The following WWOX variants were observed in gnomAD, a reference collection of about 807,000 sequenced individuals.
WWOX encodes the protein WW domain containing oxidoreductase.
WWOX carries 69 observed loss-of-function variants against 46.2 expected under a neutral mutation model. That is an observed-to-expected ratio of 1.49 (90% CI 1.23 to 1.82). The LOEUF is 1.82. Ranked by LOEUF, WWOX falls within the 40% of genes most tolerant of loss-of-function variation. WWOX has a pLI of 0.00. For missense variants in WWOX, 919 were observed against 542.6 expected (o/e 1.69, Z -6.89); for synonymous variants, 359 against 202.6 (o/e 1.77, Z -6.56).
rs139539713 is a variant in WWOX at position 78,338,025 on chromosome 16, C to T, written c.517-48835C>T. On this transcript the variant is annotated intron_variant, in intron 5 of 8. Transcript: ENST00000566780. ...GATGAGGATAGCAGTTTCTTTTGTT[C>T]TTTTAAAACATATATAAAATTATTT... is the stretch of plus-strand genomic sequence containing the variant. Among the ~76,000 whole-genome samples, 434 of 120,104 alleles carry T rather than the reference C, an allele frequency of 3.6e-3. 80 individuals carry two copies. Among genetic ancestry groups the T allele is most frequent in the African/African-American group, 0.012 (423 of 35,414 alleles). 78.8% of individuals were successfully genotyped at this position (120,104 alleles called of 152,430 possible).
At chr16:78,628,675 C>A (rs1215333441) in intron 8 of WWOX, among the ~76,000 whole-genome samples, 1 of 152,016 alleles carries the variant, frequency 6.6e-6, no homozygotes, top group African/African-American at 2.4e-5. Context: ...ACACCATGGT[C>A]ACTCCGTGCT....
intron 8 of WWOX, among the ~76,000 whole-genome samples, chr16:78,444,989 C>T (rs1208079725): frequency 1.3e-5 from 2 of 152,114 alleles, no homozygotes; most frequent in Admixed American, 6.6e-5. Context: ...CATAGTTCTT[C>T]TGTGTGTGTT....
intron 8 of WWOX, chr16:78,981,720 C>G (rs2046686304): frequency 6.6e-6 from 1 of 152,236 alleles, no homozygotes; most frequent in African/African-American, 2.4e-5. Context: ...AGACATTGTG[C>G]CCAGCTTGGA....
chr16:78,319,801 C>T (rs934747319), intron 5 of WWOX, among the ~76,000 whole-genome samples: 1 of 152,178 alleles, frequency 6.6e-6, no homozygotes, highest in Non-Finnish European at 1.5e-5. Context: ...TTGCCACCCT[C>T]CGCCCTTAGC....
chr16:78,517,574 A>T (rs16947889), intron 8 of WWOX, among the ~76,000 whole-genome samples: 9,878 of 152,238 alleles, frequency 0.065, 338 homozygotes, highest in East Asian at 0.078. Context: ...TAACTGTCAT[A>T]TTGTGGTCCG....
At chr16:79,186,561 C>G (rs1358922667) in intron 8 of WWOX, among the ~76,000 whole-genome samples, 2 of 152,212 alleles carry the variant, frequency 1.3e-5, no homozygotes, top group Non-Finnish European at 2.9e-5. Context: ...AACTGTTTAA[C>G]TCTGTATTCC....
At chr16:78,334,941 C>T (rs1346845814) in intron 5 of WWOX, among the ~76,000 whole-genome samples, 1 of 139,440 alleles carries the variant, frequency 7.2e-6, no homozygotes, top group African/African-American at 2.8e-5. Flanking sequence ...AAAAAAAAGG[C>T]AGCAAAATGT....
intron 8 of WWOX, chr16:78,996,381 C>G (rs1307601046): frequency 2.7e-5 from 19 of 700,962 alleles, no homozygotes; most frequent in Admixed American, 2.4e-4. Context: ...CACCCACCCC[C>G]GCCCCCCAGC....
intron 5 of WWOX, among the ~76,000 whole-genome samples, chr16:78,181,911 A>C (rs947453421): frequency 6.6e-6 from 1 of 152,066 alleles, no homozygotes; most frequent in Non-Finnish European, 1.5e-5. Context: ...TAAATAGCCC[A>C]CCCCATCAAC....
intron 8 of WWOX, among the ~76,000 whole-genome samples, chr16:78,841,143 C>G (rs936865728): frequency 2.0e-5 from 3 of 152,268 alleles, no homozygotes; most frequent in African/African-American, 7.2e-5. Context: ...ATTCCCTGTG[C>G]TTATACAGAT....
At chr16:78,794,542 A>T (rs1421159162) in intron 8 of WWOX, among the ~76,000 whole-genome samples, 1 of 152,220 alleles carries the variant, frequency 6.6e-6, no homozygotes, top group Non-Finnish European at 1.5e-5. Flanking sequence ...AAAATGGGTG[A>T]ATAATATCTA....
chr16:79,201,149 C>G (rs138734727), intron 8 of WWOX, among the ~76,000 whole-genome samples: 1 of 152,070 alleles, frequency 6.6e-6, no homozygotes, highest in Non-Finnish European at 1.5e-5. Flanking sequence ...GTAAGGACTT[C>G]TGGCTTCAGC....
In WWOX at chr16:78,111,004, G is replaced by A. The variant is rs115478968; in HGVS notation, c.230+1169G>A. ...GGTTAATAGAAGTTGATTTGAGCAGGAATTTTTTTTTTTTTTAAAGTTATG... is the reference window on the plus strand; with the variant it reads ...GGTTAATAGAAGTTGATTTGAGCAGAAATTTTTTTTTTTTTTAAAGTTATG... On this transcript the variant is annotated intron_variant, in intron 3 of 8. Transcript: ENST00000566780. Among the ~76,000 whole-genome samples, 961 of 151,722 alleles carry A rather than the reference G, an allele frequency of 6.3e-3. 11 individuals are homozygous for A. The highest frequency in any genetic ancestry group is 0.023 in the African/African-American group (928 of 41,108).
chr16:78,708,921 A>T (rs1313940065), intron 8 of WWOX, among the ~76,000 whole-genome samples: 5 of 152,242 alleles, frequency 3.3e-5, no homozygotes, highest in Non-Finnish European at 5.9e-5. Flanking sequence ...AGTCAGAAAA[A>T]TAAAAAGAAG....
chr16:78,533,064 A>G (rs972216778), intron 8 of WWOX, among the ~76,000 whole-genome samples: 3 of 152,122 alleles, frequency 2.0e-5, no homozygotes, highest in Non-Finnish European at 4.4e-5. Flanking sequence ...TGGGAGCCAG[A>G]CAGATGGGAG....
At chr16:78,396,288 A>G (rs2082284675) in intron 6 of WWOX, among the ~76,000 whole-genome samples, 1 of 152,144 alleles carries the variant, frequency 6.6e-6, no homozygotes, top group Admixed American at 6.5e-5. Flanking sequence ...GGGGTCACTT[A>G]GCATGACATT....
chr16:78,388,098 C>G (rs1233076051), intron 6 of WWOX, among the ~76,000 whole-genome samples: 1 of 152,172 alleles, frequency 6.6e-6, no homozygotes. Context: ...AGTGCACAAT[C>G]TCGCCTTAAT....
At chr16:78,502,447 CTT>C (rs2151476832) in intron 8 of WWOX, among the ~76,000 whole-genome samples, 1 of 152,328 alleles carries the variant, frequency 6.6e-6, no homozygotes, top group African/African-American at 2.4e-5. Flanking sequence ...TTAGTCGTCT[CTT>C]GTGTCTGGTT....
chr16:78,101,775 T>C (rs1452894493), intron 1 of WWOX, among the ~76,000 whole-genome samples: 2 of 152,224 alleles, frequency 1.3e-5, no homozygotes, highest in Non-Finnish European at 2.9e-5. Context: ...GATGAGTTCA[T>C]TCAAGACACA....
Sources: gnomAD v4.1 joint callset for allele counts (sites outside exome capture counted in the v4.1 genomes callset) on GRCh38, gnomAD v4.1.1 for gene constraint, MANE v1.5 for transcripts, NCBI Gene and HGNC (gene_info 2026-07-23, HGNC 2026-07-21) for gene names.